Variants in ATP2B2 observed in about 807,000 individuals in gnomAD.
ATP2B2 encodes plasma membrane calcium-transporting ATPase 2.
ATP2B2 carries 15 observed loss-of-function variants against 120.0 expected under a neutral mutation model. The observed-to-expected ratio is 0.12, with a 90% CI of 0.08 to 0.19. The LOEUF (loss-of-function observed/expected upper bound fraction) is 0.19. Among genes scored for constraint, ATP2B2 ranks in the 10% least tolerant of loss-of-function variants. The pLI is 1.00. For synonymous variants in ATP2B2, 694 were observed against 700.3 expected, an observed-to-expected ratio of 0.99 and a Z score of 0.14; for missense variants, 1,045 against 1,719.8, an observed-to-expected ratio of 0.61 and a Z score of 6.94.
chr3:10,469,692 A>G (rs1246914444), intron 1 of ATP2B2, among the ~76,000 whole-genome samples: 1 of 152,204 alleles, frequency 6.6e-6, no homozygotes, highest in Non-Finnish European at 1.5e-5. Flanking sequence ...CACGTGCTCC[A>G]TCTACAAAAA....
chr3:10,669,940 G>A (rs929743871), intron 1 of ATP2B2, among the ~76,000 whole-genome samples: 1 of 152,184 alleles, frequency 6.6e-6, no homozygotes, highest in African/African-American at 2.4e-5. Flanking sequence ...CACTGGGCTG[G>A]CCATAGAGAA....
chr3:10,620,730 C>T (rs2069522473), intron 1 of ATP2B2, among the ~76,000 whole-genome samples: 1 of 152,176 alleles, frequency 6.6e-6, no homozygotes, highest in Non-Finnish European at 1.5e-5. Context: ...TACACATACT[C>T]TAACTTCTCT....
chr3:10,522,775 T>C (rs931132321), intron 3 of ATP2B2, among the ~76,000 whole-genome samples: 7 of 152,160 alleles, frequency 4.6e-5, no homozygotes, highest in African/African-American at 1.7e-4. Context: ...CTTTTACAGA[T>C]GAAGAAGCTG....
rs2059883882 is a variant in ATP2B2 at position 10,327,776 on chromosome 3, T to A, written c.*1038A>T. On this transcript the variant is annotated 3_prime_UTR_variant, in exon 23 of 23. Transcript: ENST00000360273. ...CTCCTCTCCCTTCGTCTACGGAGCA[T>A]GTTGTTAAACCCCTCAGGATGGCAA... 6.5e-6 allele frequency: 1 copy of A among 152,806 alleles called. No individual in the cohort carries two copies. The highest frequency in any genetic ancestry group is 1.9e-4 in the East Asian group (1 of 5,182). The allele number at this position is 152,806 out of a possible 1,614,324, so 9.5% of individuals were successfully genotyped here.
In ATP2B2 at chr3:10,347,729, G is replaced by T. The variant is rs1056476916; in HGVS notation, c.2405-1592C>A. ...GGACGGGTCAAATTTCTGCCCTGTG[G>T]CTCCCAGGTGGTGCGGACCGTTGCG... On this transcript the variant is annotated intron_variant, in intron 16 of 22. Transcript: ENST00000360273. The surrounding 1 kb of genome is among the most constrained non-coding windows in gnomAD (Gnocchi z 5.2). Among the ~76,000 whole-genome samples the T allele has an allele frequency of 2.0e-5, 3 of 152,176 alleles. No individual in the cohort carries two copies. The highest frequency in any genetic ancestry group is 7.2e-5 in the African/African-American group (3 of 41,436).
chr3:10,504,846 C>T (rs1313750468), intron 1 of ATP2B2, among the ~76,000 whole-genome samples: 3 of 152,170 alleles, frequency 2.0e-5, no homozygotes, highest in Admixed American at 6.5e-5. Context: ...CCTGGCCACC[C>T]GTTCCTGCCA....
chr3:10,338,386 G>A (rs773731690), intron 21 of ATP2B2, 28 bp from the exon 22 acceptor site: 1 of 1,613,804 alleles, frequency 6.2e-7, no homozygotes, highest in South Asian at 1.1e-5. Flanking sequence ...TGTCAGGACG[G>A]TGGGGCTGTC....
rs573885729 is a variant in ATP2B2, at chr3:10,475,602, G to A, written c.-319-25740C>T. On this transcript the variant is annotated intron_variant, in intron 1 of 22. Coordinates refer to ENST00000360273, the MANE Select transcript of ATP2B2 (RefSeq NM_001001331.4). ...TCTGGGACTCAGTTTCTTCATCTTTGTGATGAGGGATCACTACACATGCCT... is the reference window on the plus strand; with the variant it reads ...TCTGGGACTCAGTTTCTTCATCTTTATGATGAGGGATCACTACACATGCCT... Among the ~76,000 whole-genome samples, 408 of 152,304 alleles carry A rather than the reference G, an allele frequency of 2.7e-3. 2 individuals are homozygous for A. Among genetic ancestry groups the A allele is most frequent in the African/African-American group, 9.5e-3 (395 of 41,550 alleles).
At chr3:10,555,016 G>C (rs1225261585) in intron 2 of ATP2B2, among the ~76,000 whole-genome samples, 1 of 152,166 alleles carries the variant, frequency 6.6e-6, no homozygotes, top group African/African-American at 2.4e-5. Context: ...CCTTTCTTGG[G>C]CACAGGCAGG....
At chr3:10,654,106 G>C (rs1321940739) in intron 1 of ATP2B2, among the ~76,000 whole-genome samples, 1 of 152,148 alleles carries the variant, frequency 6.6e-6, no homozygotes, top group African/African-American at 2.4e-5. Context: ...ACCCTCTGAG[G>C]CAGGCTTTGT....
At chr3:10,330,670 C>T (rs1203007862) in intron 22 of ATP2B2, among the ~76,000 whole-genome samples, 2 of 152,222 alleles carry the variant, frequency 1.3e-5, no homozygotes, top group African/African-American at 2.4e-5. Context: ...CTGGACGAGA[C>T]GGTCGTGGGG....
chr3:10,636,775 T>A (rs1312007018), intron 1 of ATP2B2, among the ~76,000 whole-genome samples: 1 of 152,042 alleles, frequency 6.6e-6, no homozygotes, highest in Non-Finnish European at 1.5e-5. Context: ...CCCGGTGGAC[T>A]CTGAGTTGAG....
chr3:10,579,637 T>C (rs896532135), intron 2 of ATP2B2, among the ~76,000 whole-genome samples: 1 of 152,092 alleles, frequency 6.6e-6, no homozygotes, highest in African/African-American at 2.4e-5. Context: ...GGCAAAACCC[T>C]GTCTCTACTA....
intron 2 of ATP2B2, among the ~76,000 whole-genome samples, chr3:10,556,123 C>A (rs2067772970): frequency 1.3e-5 from 2 of 152,214 alleles, no homozygotes; most frequent in South Asian, 4.1e-4. Context: ...TGGTCTCAAA[C>A]TCCGGACCTG....
At chr3:10,349,541 G>A (rs907592613) in intron 16 of ATP2B2, among the ~76,000 whole-genome samples, 1 of 152,120 alleles carries the variant, frequency 6.6e-6, no homozygotes, top group Non-Finnish European at 1.5e-5. Flanking sequence ...CCTCTGGAGG[G>A]AGGAGCAAGA....
chr3:10,358,619 C>T, intron 14 of ATP2B2, 72 bp downstream of exon 14: 1 of 1,458,628 alleles, frequency 6.9e-7, no homozygotes, highest in Non-Finnish European at 9.5e-7. Flanking sequence ...AAGTGACTTA[C>T]TCCAGGTCAC....
In ATP2B2 at chr3:10,346,170, C is replaced by G; in HGVS notation, c.2405-33G>C. 1 of 1,602,028 alleles carries G rather than the reference C, an allele frequency of 6.2e-7. No individual in the cohort carries two copies. The highest frequency in any genetic ancestry group is 1.3e-5 in the African/African-American group (1 of 74,998). On this transcript the variant is annotated intron_variant, in intron 16 of 22. Coordinates refer to ENST00000360273, the MANE Select transcript of ATP2B2 (RefSeq NM_001001331.4). This position sits in a 1 kb window ranked among gnomAD's most constrained non-coding sequence, Gnocchi z 4.1. ...GGCAGGAGTGTGCTCAGGCCCTGGGCCACTCAGGTGGGAGGCAGCCTGGGC... is the reference window on the plus strand; with the variant it reads ...GGCAGGAGTGTGCTCAGGCCCTGGGGCACTCAGGTGGGAGGCAGCCTGGGC...
intron 1 of ATP2B2, among the ~76,000 whole-genome samples, chr3:10,482,671 C>A (rs113757208): frequency 3.9e-5 from 6 of 152,206 alleles, no homozygotes; most frequent in South Asian, 2.1e-4. Flanking sequence ...AGGTCTCCCC[C>A]CTGAGGCCTC....
In ATP2B2 at chr3:10,660,407, A is replaced by G. The variant is rs1575600485; in HGVS notation, c.-459-40446T>C. Among the ~76,000 whole-genome samples, 3 of 152,358 alleles carry G rather than the reference A, an allele frequency of 2.0e-5. 1 individual carries two copies. In the Middle Eastern group the frequency reaches 0.01, roughly 518 times the overall value. ...TCAAATAGATGCAATAAAAAATGAT[A>G]AAGGGGATATCACCAGCGATCCCAC... On this transcript the variant is annotated intron_variant, in intron 1 of 21. Coordinates refer to the ATP2B2 transcript ENST00000646379.
Sources: allele counts gnomAD v4.1 joint callset (sites outside exome capture counted in the v4.1 genomes callset), GRCh38; gene constraint gnomAD v4.1.1; non-coding constraint Gnocchi (gnomAD v3.1); transcripts MANE v1.5; gene names NCBI Gene and HGNC (gene_info 2026-07-23, HGNC 2026-07-21).